Variants in DNAH1 observed in about 807,000 individuals in gnomAD.
DNAH1 encodes dynein axonemal heavy chain 1.
In DNAH1, 327 loss-of-function variants were observed where a neutral mutation model predicts 484.3. That is an observed-to-expected ratio of 0.68 (90% CI 0.62 to 0.74). The LOEUF (loss-of-function observed/expected upper bound fraction) is 0.74, where lower values mean the gene tolerates loss of function less well. DNAH1 is among the 30% of genes least tolerant of loss of function. The pLI is 0.00. For missense variants in DNAH1, 5,052 were observed against 5,546.8 expected (o/e 0.91, Z 2.83); for synonymous variants, 2,192 against 2,191.9 (o/e 1.00, Z 0.00).
intron 8 of DNAH1, among the ~76,000 whole-genome samples, chr3:52,335,877 G>A (rs1701726173): frequency 6.7e-6 from 1 of 148,178 alleles, no homozygotes; most frequent in African/African-American, 2.5e-5. Context: ...CAAGTAATCT[G>A]CCCACCTCGG....
In DNAH1 at chr3:52,379,762, A is replaced by G; in HGVS notation, c.7378-143A>G. The G allele has an allele frequency of 1.4e-6, 1 of 722,180 alleles. No homozygotes were observed. The highest frequency in any genetic ancestry group is 2.2e-6 in the Non-Finnish European group (1 of 446,880). The allele number at this position is 722,180 out of a possible 1,614,324, so 44.7% of individuals were successfully genotyped here. A position where few individuals can be genotyped will look rare whatever the true frequency, so the allele number is the denominator to read the frequency against. ...AGTTGCACTTGCCAGCAGCCCCCAC[A>G]CACTGTCCCTGGGCCATGGTGGGAG... On this transcript the variant is annotated intron_variant, in intron 47 of 77. Coordinates refer to ENST00000420323, the MANE Select transcript of DNAH1 (RefSeq NM_015512.5). This position sits in a 1 kb window ranked among gnomAD's most constrained non-coding sequence, Gnocchi z 4.4.
In DNAH1 at chr3:52,329,715, C is replaced by T. The variant is rs535855482; in HGVS notation, c.872-1433C>T. ...TGGTGTGCACCTGTAATCCCAGCTA[C>T]TCGGGAGGCTGAGGCAGGAGAATTG... On this transcript the variant is annotated intron_variant, in intron 6 of 77. Coordinates refer to ENST00000420323, the MANE Select transcript of DNAH1 (RefSeq NM_015512.5). Among the ~76,000 whole-genome samples the T allele has an allele frequency of 7.9e-5, 12 of 152,070 alleles. No homozygotes were observed. The South Asian group carries it at 2.5e-3, about 32-fold the overall frequency.
rs1553642829 is a variant in DNAH1, at chr3:52,395,585, GA to G, written c.11167del (p.Arg3723GlyfsTer20). Reference protein sequence around the residue: ...AEAMMRSSIERGKWVFFQNCH... With the variant: ...AEAMMRSSIEXGKWVFFQNCH... Reference sequence around the variant, plus strand: ...AAGCCATGATGCGCAGCTCCATAGAGAGGGGCAAATGGGTCTTCTTCCAGAA... The same window carrying G: ...AAGCCATGATGCGCAGCTCCATAGAGGGGGCAAATGGGTCTTCTTCCAGAA... On this transcript the variant is annotated frameshift_variant, in exon 70 of 78. Transcript: ENST00000420323. LOFTEE classifies it high-confidence loss of function. The surrounding 1 kb of genome is among the most constrained non-coding windows in gnomAD (Gnocchi z 4.4). The G allele has an allele frequency of 6.2e-7, 1 of 1,613,712 alleles. No homozygotes were observed. Among genetic ancestry groups the G allele is most frequent in the Non-Finnish European group, 8.5e-7 (1 of 1,179,908 alleles).
At chr3:52,317,454 G>T (rs900432433) in intron 1 of DNAH1, among the ~76,000 whole-genome samples, 1 of 152,184 alleles carries the variant, frequency 6.6e-6, no homozygotes, top group Admixed American at 6.5e-5. Context: ...TTTCCTCAGT[G>T]CCCTGACCAG....
At position 52,375,329 on chromosome 3, in the gene DNAH1, C is replaced by T. The variant is rs774675368; in HGVS notation, c.7075C>T (p.Arg2359Cys). Reference protein sequence around the residue: ...GRNTVTPRLMRHFNYLSFAEM... With the variant: ...GRNTVTPRLMCHFNYLSFAEM... ...GAACACCGTCACCCCGCGGCTGATG[C>T]GTCACTTCAACTACCTGTCTTTCGC... Residue 2359 changes from arginine (R) to cysteine (C), a missense_variant, in exon 45 of 78, where the codon CGT becomes TGT. Around this residue, in one of 4 missense-constraint regions of DNAH1, gnomAD observed 2,929 missense variants for 3,409.4 expected, o/e 0.86. Coordinates refer to ENST00000420323, the MANE Select transcript of DNAH1 (RefSeq NM_015512.5). 27 of 1,613,204 alleles carry T rather than the reference C, an allele frequency of 1.7e-5. No individual in the cohort carries two copies. In the Admixed American group the frequency reaches 3.0e-4, roughly 18 times the overall value.
At chr3:52,331,068 C>T in intron 6 of DNAH1, 80 bp from the exon 7 acceptor site, 1 of 1,482,340 alleles carries the variant, frequency 6.7e-7, no homozygotes, top group Non-Finnish European at 9.0e-7. Flanking sequence ...GACCCATTCC[C>T]AGCGATGCTG....
In DNAH1 at chr3:52,391,130, A is replaced by G. The variant is rs1278715686; in HGVS notation, c.9742-49A>G. ...GGGCAGTGGTGAGCCGCAGAGCCTC[A>G]GGCTGGCTCTCAGTCCCTGCAACCC... On this transcript the variant is annotated intron_variant, in intron 61 of 77. Coordinates refer to ENST00000420323, the MANE Select transcript of DNAH1 (RefSeq NM_015512.5). The G allele has an allele frequency of 2.5e-6, 4 of 1,611,510 alleles. No homozygotes were observed. The Admixed American group carries it at 5.0e-5, about 20-fold the overall frequency.
In DNAH1 at chr3:52,371,994, C is replaced by T; in HGVS notation, c.6574C>T (p.Pro2192Ser). The T allele has an allele frequency of 6.2e-7, 1 of 1,613,840 alleles. No homozygotes were observed. The highest frequency in any genetic ancestry group is 1.1e-5 in the South Asian group (1 of 91,086). Residue 2192 changes from proline (P) to serine (S), a missense_variant, in exon 42 of 78, where the codon CCA becomes TCA. Physicochemically the swap from Pro to Ser is moderately conservative, Grantham distance 74. This residue lies in a region of DNAH1 where 2,929 missense variants were observed against 3,409.4 expected (regional missense o/e 0.86). Coordinates refer to ENST00000420323, the MANE Select transcript of DNAH1 (RefSeq NM_015512.5). The stretch of plus-strand genomic sequence containing the variant: ...CTCCTCAGCTCCATTCACCATGGTA[C>T]CAGACACCAACTACTGCAACATCAT... ...MDSSAPFTMV[P>S]DTNYCNIIVP... is the part of the protein sequence containing the mutation.
intron 62 of DNAH1, 46 bp downstream of exon 62, chr3:52,391,374 G>A: frequency 6.3e-7 from 1 of 1,592,046 alleles, no homozygotes; most frequent in Non-Finnish European, 8.6e-7. Context: ...GCCTGGACAG[G>A]GCAGTCCCCT....
In DNAH1 at chr3:52,400,449, TCA is replaced by T; in HGVS notation, c.*4_*5del. The T allele has an allele frequency of 6.2e-7, 1 of 1,614,006 alleles. No homozygotes were observed. Among genetic ancestry groups the T allele is most frequent in the South Asian group, 1.1e-5 (1 of 91,090 alleles). On this transcript the variant is annotated 3_prime_UTR_variant, in exon 78 of 78. Coordinates refer to ENST00000420323, the MANE Select transcript of DNAH1 (RefSeq NM_015512.5). ...TCATCTGTGCCCTGGACTACTAGAC[TCA>T]GACAGAAGGGCTGGGGCCATTAAAG...
Position 52,353,294 on chromosome 3 carries a change from C to T in DNAH1, c.3219C>T (p.Asp1073=). The T allele has an allele frequency of 6.2e-7, 1 of 1,613,040 alleles. No individual in the cohort carries two copies. The highest frequency in any genetic ancestry group is 8.5e-7 in the Non-Finnish European group (1 of 1,179,220). The change falls in exon 19 of 78, where the codon GAC becomes GAT. Residue 1073 remains aspartate (D), a synonymous_variant. Transcript: ENST00000420323. This position sits in a 1 kb window ranked among gnomAD's most constrained non-coding sequence, Gnocchi z 5.0. ...TMHKCVKQFK[D]MPACQEVALD... The stretch of plus-strand genomic sequence containing the variant: ...ACAAGTGCGTGAAGCAGTTTAAGGA[C>T]ATGCCAGGTAGGGAGCCAAGCCGGC...
chr3:52,346,326 G>A, intron 10 of DNAH1, 146 bp from the exon 11 acceptor site: 1 of 840,108 alleles, frequency 1.2e-6, no homozygotes, highest in Non-Finnish European at 1.8e-6. Flanking sequence ...GGCAGGGCTT[G>A]GCAGTAAGTT....
intron 46 of DNAH1, among the ~76,000 whole-genome samples, chr3:52,376,652 C>A (rs1244071704): frequency 6.6e-6 from 1 of 152,210 alleles, no homozygotes. Flanking sequence ...CACAAACAAG[C>A]CCCATTCTCC....
chr3:52,322,456 A>G lies in DNAH1; in HGVS notation c.14A>G (p.Asn5Ser), dbSNP rs368108916. 6.8e-6 allele frequency: 11 copies of G among 1,609,608 alleles called. No homozygotes were observed. The African/African-American group carries it at 9.4e-5, about 14-fold the overall frequency. Residue 5 changes from asparagine to serine, a missense_variant, in exon 2 of 78, where the codon AAC becomes AGC. Asn to Ser is a conservative substitution (Grantham distance 46, BLOSUM62 1). Transcript: ENST00000420323. MEQP[N>S]SKGYSLGRTP... ...CTGAGAAGCAGCATGGAGCAGCCTA[A>G]CAGTAAAGGCTATAGCCTGGGAAGG...
chr3:52,312,235 C>T (rs968588740), upstream of DNAH1, among the ~76,000 whole-genome samples: 12 of 152,272 alleles, frequency 7.9e-5, no homozygotes, highest in Non-Finnish European at 1.5e-4. Flanking sequence ...CCAATCCTGC[C>T]TTCAGGGTCT....
chr3:52,386,178 GA>G lies in DNAH1; in HGVS notation c.8645del (p.Glu2882GlyfsTer54). On this transcript the variant is annotated frameshift_variant, in exon 55 of 78. Coordinates refer to ENST00000420323, the MANE Select transcript of DNAH1 (RefSeq NM_015512.5). LOFTEE classifies it high-confidence loss of function. ...EQIKVDTAIA[E>X]ETRNSVQTEE... ...TCCCCAGGTGGATACGGCCATCGCC[GA>G]GGAGACCCGGAATTCAGTGCAGACA... 6.2e-7 allele frequency: 1 copy of G among 1,613,450 alleles called. No individual in the cohort carries two copies. Among genetic ancestry groups the G allele is most frequent in the Non-Finnish European group, 8.5e-7 (1 of 1,179,610 alleles).
chr3:52,332,497 A>T, intron 8 of DNAH1, 103 bp downstream of exon 8: 1 of 1,504,832 alleles, frequency 6.6e-7, no homozygotes, highest in Non-Finnish European at 8.9e-7. Flanking sequence ...CTCAGGGCTC[A>T]TCTGTTTGAG....
rs1455902167 is a variant in DNAH1, at chr3:52,388,629, A to G, written c.9363+20A>G. Reference sequence around the variant, plus strand: ...GGCAAGGTGCGCACCCTCCTCCTGCAAGGCCTGCAAGCGGGCCCGGCCCAG... The same window carrying G: ...GGCAAGGTGCGCACCCTCCTCCTGCGAGGCCTGCAAGCGGGCCCGGCCCAG... On this transcript the variant is annotated intron_variant, in intron 58 of 77. Transcript: ENST00000420323. 1.2e-6 allele frequency: 2 copies of G among 1,611,974 alleles called. No individual in the cohort carries two copies. The highest frequency in any genetic ancestry group is 1.7e-5 in the Admixed American group (1 of 59,890).
In DNAH1 at chr3:52,362,120, G is replaced by A. The variant is rs989116567; in HGVS notation, c.4981-268G>A. Among the ~76,000 whole-genome samples, 2 of 152,240 alleles carry A rather than the reference G, an allele frequency of 1.3e-5. No individual in the cohort carries two copies. The highest frequency in any genetic ancestry group is 4.8e-5 in the African/African-American group (2 of 41,454). On this transcript the variant is annotated intron_variant, in intron 30 of 77. Transcript: ENST00000420323. The surrounding 1 kb of genome is among the most constrained non-coding windows in gnomAD (Gnocchi z 5.1). ...TCAGGCTGAGCTTGGCTGGAGCTGG[G>A]GAATTGGGGGTGGAGCGAGTGGGAA...
Sources: gnomAD v4.1 joint callset for allele counts (sites outside exome capture counted in the v4.1 genomes callset) on GRCh38, gnomAD v4.1.1 for gene constraint, gnomAD v4.1.1 regional missense constraint, Gnocchi (gnomAD v3.1) non-coding constraint, MANE v1.5 for transcripts, NCBI Gene and HGNC (gene_info 2026-07-23, HGNC 2026-07-21) for gene names.